PPRC1: variants seen among roughly 807,000 people sequenced by gnomAD.
The protein encoded by PPRC1 is PPARG related coactivator 1.
In PPRC1, 23 loss-of-function variants were observed where a neutral mutation model predicts 132.5. The observed-to-expected ratio is 0.17, with a 90% CI of 0.12 to 0.25. The LOEUF is 0.25. PPRC1 is among the 10% of genes least tolerant of loss of function. The probability of loss-of-function intolerance (pLI) is 1.00; values close to 1 mark genes in which losing one functional copy is unlikely to be tolerated. For missense variants in PPRC1, 2,006 were observed against 2,089.1 expected, an observed-to-expected ratio of 0.96 and a Z score of 0.78; for synonymous variants, 872 against 833.5, an observed-to-expected ratio of 1.05 and a Z score of -0.80.
chr10:102,149,283 C>A lies in PPRC1; in HGVS notation c.4845C>A (p.Cys1615Ter). The change falls in exon 13 of 14, where the codon TGC (cysteine) becomes TGA (stop). Residue 1615 changes from cysteine to a stop codon, truncating the protein, a stop_gained. Transcript: ENST00000278070. LOFTEE classifies it high-confidence loss of function. ...RQADEQPFDL[C>*]FGGRRQFCKR... Reference sequence around the variant, plus strand: ...CAGATGAGCAGCCCTTTGATCTCTGCTTTGGGGGCCGAAGGCAGTTCTGCA... The same window carrying A: ...CAGATGAGCAGCCCTTTGATCTCTGATTTGGGGGCCGAAGGCAGTTCTGCA... 1 of 1,610,352 alleles carries A rather than the reference C, an allele frequency of 6.2e-7. No homozygotes were observed. The highest frequency in any genetic ancestry group is 8.5e-7 in the Non-Finnish European group (1 of 1,178,240).
chr10:102,149,729 CAA>C (rs34550400), intron 13 of PPRC1, among the ~76,000 whole-genome samples, 195 bp from the exon 14 acceptor site: 14,199 of 110,526 alleles, frequency 0.13, 809 homozygotes, highest in African/African-American at 0.21. Flanking sequence ...GAGACTGTCT[CAA>C]AAAAAAAAAA....
At chr10:102,132,268 A>T (rs2068556889), upstream of PPRC1, among the ~76,000 whole-genome samples, 3 of 152,274 alleles carry the variant, frequency 2.0e-5, no homozygotes, top group South Asian at 6.2e-4. Flanking sequence ...ATTTAAAAAT[A>T]GCAAATATGA....
chr10:102,139,272 T>G lies in PPRC1; in HGVS notation c.764T>G (p.Phe255Cys). The G allele has an allele frequency of 6.2e-7, 1 of 1,614,138 alleles. No individual in the cohort carries two copies. The highest frequency in any genetic ancestry group is 1.3e-5 in the African/African-American group (1 of 75,014). Residue 255 changes from phenylalanine (F) to cysteine (C), a missense_variant, in exon 5 of 14, where the codon TTC becomes TGC. Phe to Cys is a radical substitution (Grantham distance 205, BLOSUM62 -2). This residue lies in a region of PPRC1 where 1,914 missense variants were observed against 1,917.2 expected (regional missense o/e 1.00). Coordinates refer to ENST00000278070, the MANE Select transcript of PPRC1 (RefSeq NM_015062.5). ...GAAGAAGAGGAGGAGGTGGCCAGCT[T>G]CAGTGGCCAGATTCTTGCCGGGGAG... ...DGEEEEEVAS[F>C]SGQILAGELD...
the PPRC1 span, among the ~76,000 whole-genome samples, chr10:102,127,064 T>TAC: frequency 1.8e-5 from 1 of 54,412 alleles, no homozygotes; most frequent in East Asian, 3.4e-4. Context: ...TATATATATA[T>TAC]ATATAAATTA....
At chr10:102,120,398 T>C in the PPRC1 span, 81 of 983,350 alleles carry the variant, frequency 8.2e-5, no homozygotes, top group Non-Finnish European at 7.7e-5. Context: ...CGCGTGTGCG[T>C]GTGCGTGTCT....
chr10:102,140,402 A>T lies in PPRC1; in HGVS notation c.1894A>T (p.Ile632Phe). 1 of 1,614,140 alleles carries T rather than the reference A, an allele frequency of 6.2e-7. No homozygotes were observed. The highest frequency in any genetic ancestry group is 1.1e-5 in the South Asian group (1 of 91,080). Residue 632 changes from isoleucine to phenylalanine, a missense_variant, in exon 5 of 14, where the codon ATC becomes TTC. Ile to Phe is a conservative substitution (Grantham distance 21). This residue lies in a region of PPRC1 where 1,914 missense variants were observed against 1,917.2 expected (regional missense o/e 1.00). Coordinates refer to ENST00000278070, the MANE Select transcript of PPRC1 (RefSeq NM_015062.5). ...VEPLPAEPVL[I>F]NPVLADSAAV... ...GCCTCTCCCGGCTGAGCCAGTGCTG[A>T]TCAACCCAGTCCTGGCTGACTCAGC...
rs745701228 is a variant in PPRC1, at chr10:102,140,990, TCTC to T, written c.2485_2487del (p.Pro829del). The T allele has an allele frequency of 3.1e-6, 5 of 1,613,950 alleles. No individual in the cohort carries two copies. The highest frequency in any genetic ancestry group is 2.7e-5 in the African/African-American group (2 of 74,904). On this transcript the variant is annotated inframe_deletion, in exon 5 of 14. Transcript: ENST00000278070. ...TGTGCCTGTAGGTCCCAGCCCTGCT[TCTC>T]CTAGTCCTGAGCCACCTGTAAGCAA...
At chr10:102,144,763 T>G (rs1232700861) in intron 7 of PPRC1, 1 of 525,182 alleles carries the variant, frequency 1.9e-6, no homozygotes, top group Non-Finnish European at 3.4e-6. Flanking sequence ...GCTGGGCAGG[T>G]GAGACTCGAT....
chr10:102,139,430 C>G lies in PPRC1; in HGVS notation c.922C>G (p.Leu308Val), dbSNP rs750049471. 4 of 1,614,248 alleles carry G rather than the reference C, an allele frequency of 2.5e-6. No homozygotes were observed. Among genetic ancestry groups the G allele is most frequent in the Non-Finnish European group, 2.5e-6 (3 of 1,180,046 alleles). ...TGAGAGCATCTCCTCCCTGAGTGAG[C>G]TGGTGCGGGCCATGCACCCATACTG... Reference protein sequence around the residue: ...GDESISSLSELVRAMHPYCLP... With the variant: ...GDESISSLSEVVRAMHPYCLP... The change falls in exon 5 of 14, where the codon CTG (leucine) becomes GTG (valine). Residue 308 changes from leucine (L) to valine (V), a missense_variant. This residue lies in a region of PPRC1 where 1,914 missense variants were observed against 1,917.2 expected (regional missense o/e 1.00). Coordinates refer to ENST00000278070, the MANE Select transcript of PPRC1 (RefSeq NM_015062.5).
chr10:102,143,238 A>T, intron 6 of PPRC1, 140 bp downstream of exon 6: 1 of 741,304 alleles, frequency 1.3e-6, no homozygotes, highest in South Asian at 1.8e-5. Context: ...GAGAGAGACA[A>T]GATTGAACTG....
chr10:102,142,145 C>T, intron 5 of PPRC1, 141 bp downstream of exon 5: 1 of 1,030,536 alleles, frequency 9.7e-7, no homozygotes, highest in East Asian at 2.6e-5. Flanking sequence ...TGGAGTCTTG[C>T]TCTGTCTCCA....
At chr10:102,149,471 G>C in intron 13 of PPRC1, 142 bp downstream of exon 13, 1 of 1,038,356 alleles carries the variant, frequency 9.6e-7, no homozygotes, top group Non-Finnish European at 1.3e-6. Flanking sequence ...GGTGGCTCAC[G>C]CCTGTAATCC....
rs768083414 is a variant in PPRC1 at position 102,141,384 on chromosome 10, G to A, written c.2876G>A (p.Cys959Tyr). 3.7e-6 allele frequency: 6 copies of A among 1,613,798 alleles called. No individual in the cohort carries two copies. Among genetic ancestry groups the A allele is most frequent in the African/African-American group, 1.3e-5 (1 of 74,828 alleles). Residue 959 changes from cysteine to tyrosine, a missense_variant, in exon 5 of 14, where the codon TGC becomes TAC. Around this residue, in one of 2 missense-constraint regions of PPRC1, gnomAD observed 1,914 missense variants for 1,917.2 expected, o/e 1.00. Transcript: ENST00000278070. ...GGTGCCTATGCCGTGCCTCCCACTT[G>A]CAGTGTGCCTTGGGCACCCCCTCCT... is the stretch of plus-strand genomic sequence containing the variant. ...TPGAYAVPPT[C>Y]SVPWAPPPAP...
the PPRC1 span, among the ~76,000 whole-genome samples, chr10:102,123,818 G>A: frequency 1.4e-4 from 20 of 144,934 alleles, no homozygotes; most frequent in Non-Finnish European, 2.7e-4. Flanking sequence ...ATAGGCGTGA[G>A]CCACCACGCC....
intron 1 of PPRC1, among the ~76,000 whole-genome samples, chr10:102,134,813 A>G (rs2068662955): frequency 6.6e-6 from 1 of 152,132 alleles, no homozygotes. Flanking sequence ...ACACCCTCAC[A>G]CCTGACCTCA....
chr10:102,131,593 T>C (rs1325326649), upstream of PPRC1, among the ~76,000 whole-genome samples: 1 of 152,200 alleles, frequency 6.6e-6, no homozygotes. Flanking sequence ...CAAAGGTACA[T>C]GTACATGACA....
chr10:102,136,132 C>T (rs2068712878), intron 1 of PPRC1, among the ~76,000 whole-genome samples: 1 of 152,126 alleles, frequency 6.6e-6, no homozygotes, highest in Non-Finnish European at 1.5e-5. Flanking sequence ...GTTTGCAGAG[C>T]CAGGTGCTAT....
In PPRC1 at chr10:102,142,745, G is replaced by T. The variant is rs1243040728; in HGVS notation, c.3497-300G>T. 6.6e-5 allele frequency among the ~76,000 whole-genome samples: 10 copies of T among 152,022 alleles called. No individual in the cohort carries two copies. The East Asian group carries it at 1.4e-3, about 21-fold the overall frequency. ...TGTTTTTAAGAGATGAGGTCTCACTGTGTTGCCCAGGCTGGACTTGAACTC... is the reference window on the plus strand; with the variant it reads ...TGTTTTTAAGAGATGAGGTCTCACTTTGTTGCCCAGGCTGGACTTGAACTC... On this transcript the variant is annotated intron_variant, in intron 5 of 13. Transcript: ENST00000278070.
At chr10:102,138,382 G>A (rs964283873) in intron 2 of PPRC1, among the ~76,000 whole-genome samples, 1 of 152,308 alleles carries the variant, frequency 6.6e-6, no homozygotes, top group East Asian at 1.9e-4. Flanking sequence ...CTTATCTGAG[G>A]GTAGGGGAAT....
Sources: allele counts gnomAD v4.1 joint callset (sites outside exome capture counted in the v4.1 genomes callset), GRCh38; gene constraint gnomAD v4.1.1; regional missense constraint gnomAD v4.1.1; transcripts MANE v1.5; gene names NCBI Gene and HGNC (gene_info 2026-07-23, HGNC 2026-07-21).